ABLIM2: variants seen among roughly 807,000 people sequenced by gnomAD.
ABLIM2 encodes actin binding LIM protein family member 2.
ABLIM2 carries 53 observed loss-of-function variants against 97.7 expected under a neutral mutation model. The observed-to-expected ratio is 0.54, with a 90% CI of 0.44 to 0.68. The LOEUF is 0.68. Among genes scored for constraint, ABLIM2 ranks in the 30% least tolerant of loss-of-function variants. The pLI is 0.00. For missense variants in ABLIM2, 835 were observed against 867.2 expected (o/e 0.96, Z 0.47); for synonymous variants, 361 against 345.8 (o/e 1.04, Z -0.49).
intron 1 of ABLIM2, among the ~76,000 whole-genome samples, chr4:8,119,068 C>A (rs1844073103): frequency 6.6e-6 from 1 of 152,146 alleles, no homozygotes; most frequent in Non-Finnish European, 1.5e-5. Flanking sequence ...TCCCATGGTG[C>A]CAGGGATCCT....
chr4:8,005,548 CCCCG>C lies in ABLIM2; in HGVS notation c.1618+2507_1618+2510del. On this transcript the variant is annotated intron_variant, in intron 16 of 20. Coordinates refer to ENST00000447017, the MANE Select transcript of ABLIM2 (RefSeq NM_001130083.2). This position sits in a 1 kb window ranked among gnomAD's most constrained non-coding sequence, Gnocchi z 4.9. ...GGCTACTTGGTGACAATCAAAAGAACCCCGAGAGAAAAAAAAGGGTGGCTCCCTC... is the reference window on the plus strand; with the variant it reads ...GGCTACTTGGTGACAATCAAAAGAACAGAGAAAAAAAAGGGTGGCTCCCTC... The C allele has an allele frequency of 2.0e-6, 1 of 489,976 alleles. No homozygotes were observed. The allele number at this position is 489,976 out of a possible 1,614,324, so 30.4% of individuals were successfully genotyped here. A position where few individuals can be genotyped will look rare whatever the true frequency, so the allele number is the denominator to read the frequency against.
At chr4:8,131,547 C>G (rs1465471302) in intron 1 of ABLIM2, among the ~76,000 whole-genome samples, 2 of 152,146 alleles carry the variant, frequency 1.3e-5, no homozygotes, top group African/African-American at 4.8e-5. Flanking sequence ...TGACAAGGGC[C>G]TGGGAGGACC....
intron 20 of ABLIM2, among the ~76,000 whole-genome samples, chr4:7,977,960 T>C (rs1734882143): frequency 6.6e-6 from 1 of 152,132 alleles, no homozygotes; most frequent in African/African-American, 2.4e-5. Flanking sequence ...AGCTCTGAGA[T>C]GATGTGCAAG....
rs1815504954 is a variant in ABLIM2, at chr4:8,075,589, A to G, written c.675+2039T>C. On this transcript the variant is annotated intron_variant, in intron 6 of 20. Transcript: ENST00000447017. The surrounding 1 kb of genome is among the most constrained non-coding windows in gnomAD (Gnocchi z 4.4). ...ACACCTGTAGTCCCAGCTGGTCGGGAGGCTGAGGTGGAAGGATCACTTAAG... is the reference window on the plus strand; with the variant it reads ...ACACCTGTAGTCCCAGCTGGTCGGGGGGCTGAGGTGGAAGGATCACTTAAG... Among the ~76,000 whole-genome samples, 1 of 152,136 alleles carries G rather than the reference A, an allele frequency of 6.6e-6. No homozygotes were observed. The highest frequency in any genetic ancestry group is 1.5e-5 in the Non-Finnish European group (1 of 68,030).
intron 1 of ABLIM2, among the ~76,000 whole-genome samples, chr4:8,139,502 G>C (rs1199726615): frequency 6.6e-6 from 1 of 152,186 alleles, no homozygotes; most frequent in African/African-American, 2.4e-5. Flanking sequence ...TATGAAAAAA[G>C]CTCAACGTCA....
intron 1 of ABLIM2, among the ~76,000 whole-genome samples, chr4:8,138,714 A>T (rs968581938): frequency 2.0e-5 from 3 of 152,378 alleles, no homozygotes; most frequent in Non-Finnish European, 2.9e-5. Flanking sequence ...AATTAACTCA[A>T]GATGGATTAA....
chr4:7,968,708 A>G (rs1011235525), intron 20 of ABLIM2, among the ~76,000 whole-genome samples: 4 of 152,134 alleles, frequency 2.6e-5, no homozygotes, highest in Admixed American at 6.5e-5. Context: ...TGTTTAACGG[A>G]TATGGGGTTT....
chr4:8,143,132 T>C (rs1191677177), intron 1 of ABLIM2, among the ~76,000 whole-genome samples: 1 of 124,608 alleles, frequency 8.0e-6, no homozygotes, highest in Non-Finnish European at 1.6e-5. Flanking sequence ...GTGTCAACAG[T>C]GCCCATACTG....
At chr4:8,059,638 A>C (rs1315665730) in intron 7 of ABLIM2, among the ~76,000 whole-genome samples, 3 of 152,088 alleles carry the variant, frequency 2.0e-5, no homozygotes, top group Admixed American at 1.3e-4. Flanking sequence ...ATGGTGGATC[A>C]TACCTGTAAT....
chr4:8,126,760 G>A (rs370859534), intron 1 of ABLIM2, among the ~76,000 whole-genome samples: 21 of 152,174 alleles, frequency 1.4e-4, no homozygotes, highest in African/African-American at 3.6e-4. Flanking sequence ...CTCCTGAGCT[G>A]TGACCATCAA....
At chr4:7,982,386 G>A (rs1739349187) in intron 20 of ABLIM2, among the ~76,000 whole-genome samples, 1 of 152,228 alleles carries the variant, frequency 6.6e-6, no homozygotes, top group Non-Finnish European at 1.5e-5. Context: ...AAAGGCAGCA[G>A]CACATTCATG....
At chr4:8,077,541 A>AC in intron 6 of ABLIM2, 87 bp downstream of exon 6, 1 of 1,282,562 alleles carries the variant, frequency 7.8e-7, no homozygotes, top group Non-Finnish European at 1.1e-6. Context: ...ATTCTTGCAC[A>AC]AACACACACA....
chr4:8,004,630 C>T lies in ABLIM2; in HGVS notation c.1618+3429G>A, dbSNP rs1759838663. 6.6e-6 allele frequency among the ~76,000 whole-genome samples: 1 copy of T among 152,098 alleles called. No homozygotes were observed. Among genetic ancestry groups the T allele is most frequent in the Non-Finnish European group, 1.5e-5 (1 of 67,998 alleles). On this transcript the variant is annotated intron_variant, in intron 16 of 20. Transcript: ENST00000447017. The surrounding 1 kb of genome is among the most constrained non-coding windows in gnomAD (Gnocchi z 5.9). Reference sequence around the variant, plus strand: ...TCAAGGGGCTAGGAATGTGGGACCCCAAGCAGCAGCAGGCCCTACTGCCGG... The same window carrying T: ...TCAAGGGGCTAGGAATGTGGGACCCTAAGCAGCAGCAGGCCCTACTGCCGG...
At position 7,971,028 on chromosome 4, in the gene ABLIM2, G is replaced by T. The variant is rs558047248; in HGVS notation, c.1825-3925C>A. Among the ~76,000 whole-genome samples, 6 of 152,214 alleles carry T rather than the reference G, an allele frequency of 3.9e-5. No homozygotes were observed. The East Asian group carries it at 9.7e-4, about 24-fold the overall frequency. The stretch of plus-strand genomic sequence containing the variant: ...AGGCTGGGTGAGGGTCACATGAGGG[G>T]CTCTCCGCAGCAGGGGGTCTGTTCA... On this transcript the variant is annotated intron_variant, in intron 20 of 20. Transcript: ENST00000447017.
At position 8,087,974 on chromosome 4, in the gene ABLIM2, C is replaced by T. The variant is rs1164933465; in HGVS notation, c.454+195G>A. Reference sequence around the variant, plus strand: ...GGCACTGCAGAGACCAAGCCCCCAACTCAGCACCCCCCCCACAACCAGCAA... The same window carrying T: ...GGCACTGCAGAGACCAAGCCCCCAATTCAGCACCCCCCCCACAACCAGCAA... On this transcript the variant is annotated intron_variant, in intron 4 of 20. Coordinates refer to ENST00000447017, the MANE Select transcript of ABLIM2 (RefSeq NM_001130083.2). The surrounding 1 kb of genome is among the most constrained non-coding windows in gnomAD (Gnocchi z 4.6). 7.0e-6 allele frequency among the ~76,000 whole-genome samples: 1 copy of T among 143,070 alleles called. No homozygotes were observed. The highest frequency in any genetic ancestry group is 2.6e-5 in the African/African-American group (1 of 38,502). 93.9% of individuals were successfully genotyped at this position (143,070 alleles called of 152,430 possible).
chr4:8,131,527 C>T (rs972221005), intron 1 of ABLIM2, among the ~76,000 whole-genome samples: 2 of 152,184 alleles, frequency 1.3e-5, no homozygotes, highest in East Asian at 1.9e-4. Context: ...ATGCGGAGGG[C>T]AGATGGGACT....
At chr4:7,967,192 G>C (rs926908382) in intron 20 of ABLIM2, 89 bp from the exon 21 acceptor site, 22 of 1,076,924 alleles carry the variant, frequency 2.0e-5, no homozygotes, top group Non-Finnish European at 2.8e-5. Flanking sequence ...AGCAATCCAG[G>C]GGCAGGATTG....
At chr4:8,084,454 C>G (rs996725780) in intron 4 of ABLIM2, among the ~76,000 whole-genome samples, 1 of 152,192 alleles carries the variant, frequency 6.6e-6, no homozygotes, top group Non-Finnish European at 1.5e-5. Flanking sequence ...TTTGGGCACC[C>G]ACCCTCTTAG....
At position 8,014,629 on chromosome 4, in the gene ABLIM2, G is replaced by A. The variant is rs17180425; in HGVS notation, c.1423+4989C>T. Among the ~76,000 whole-genome samples the A allele has an allele frequency of 9.3e-3, 1,412 of 152,356 alleles. 9 individuals carry two copies. The highest frequency in any genetic ancestry group is 0.015 in the South Asian group (71 of 4,822). On this transcript the variant is annotated intron_variant, in intron 14 of 20. Coordinates refer to ENST00000447017, the MANE Select transcript of ABLIM2 (RefSeq NM_001130083.2). ...AGCTCCACAGGATCGGGGGAATGCA[G>A]GGTCACCCATGTATCCCCAGCACTG...
Sources: gnomAD v4.1 joint callset for allele counts (sites outside exome capture counted in the v4.1 genomes callset) on GRCh38, gnomAD v4.1.1 for gene constraint, Gnocchi (gnomAD v3.1) non-coding constraint, MANE v1.5 for transcripts, NCBI Gene and HGNC (gene_info 2026-07-23, HGNC 2026-07-21) for gene names.